Variants in SRC observed in about 807,000 individuals in gnomAD.
SRC encodes proto-oncogene tyrosine-protein kinase Src.
SRC carries 13 observed loss-of-function variants against 62.9 expected under a neutral mutation model. That is an observed-to-expected ratio of 0.21 (90% CI 0.13 to 0.33). SRC has a LOEUF of 0.33. SRC is among the 10% of genes least tolerant of loss of function. The probability of loss-of-function intolerance (pLI) is 1.00; values close to 1 mark genes in which losing one functional copy is unlikely to be tolerated. For synonymous variants in SRC, 302 were observed against 317.5 expected (o/e 0.95, Z 0.52); for missense variants, 457 against 737.3 (o/e 0.62, Z 4.40).
At position 37,386,071 on chromosome 20, in the gene SRC, GCAGGTGGAGTGA is replaced by G; in HGVS notation, c.251-2_260del. ...GTTCTGACACACCCCACCCCTCTCTGCAGGTGGAGTGACCACCTTTGTGGCCCTCTATGACTA... is the reference window on the plus strand; with the variant it reads ...GTTCTGACACACCCCACCCCTCTCTGCCACCTTTGTGGCCCTCTATGACTA... On this transcript the variant is annotated splice_acceptor_variant and splice_polypyrimidine_tract_variant and coding_sequence_variant and intron_variant, in exon 5 of 14. Transcript: ENST00000373578. LOFTEE classifies it high-confidence loss of function. The G allele has an allele frequency of 6.2e-7, 1 of 1,609,206 alleles. No homozygotes were observed. Among genetic ancestry groups the G allele is most frequent in the Non-Finnish European group, 8.5e-7 (1 of 1,175,518 alleles).
At chr20:37,348,079 C>T (rs891696080) in intron 1 of SRC, among the ~76,000 whole-genome samples, 2 of 152,198 alleles carry the variant, frequency 1.3e-5, no homozygotes, top group African/African-American at 4.8e-5. Context: ...CTCCCGCGTG[C>T]CCCTGGGCCT....
intron 4 of SRC, among the ~76,000 whole-genome samples, chr20:37,385,772 TCTG>T (rs1174971172): frequency 1.3e-5 from 2 of 152,206 alleles, no homozygotes; most frequent in Non-Finnish European, 2.9e-5. Context: ...ATTGGCGACT[TCTG>T]CTCCTAGAGC....
rs557071098 is a variant in SRC at position 37,402,978 on chromosome 20, G to A, written c.1402+98G>A. On this transcript the variant is annotated intron_variant, in intron 13 of 13. Coordinates refer to ENST00000373578, the MANE Select transcript of SRC (RefSeq NM_198291.3). This position sits in a 1 kb window ranked among gnomAD's most constrained non-coding sequence, Gnocchi z 6.2. Reference sequence around the variant, plus strand: ...TCCTGCTGGGCCTGTTTCCCCACCCGTAAAACAAAGAAGTTGAGCGTCTGA... The same window carrying A: ...TCCTGCTGGGCCTGTTTCCCCACCCATAAAACAAAGAAGTTGAGCGTCTGA... The A allele has an allele frequency of 5.4e-5, 80 of 1,476,480 alleles. No homozygotes were observed. The African/African-American group carries it at 9.7e-4, about 18-fold the overall frequency. The allele number at this position is 1,476,480 out of a possible 1,614,324, so 91.5% of individuals were successfully genotyped here.
At chr20:37,356,536 G>A (rs2069884531) in intron 1 of SRC, among the ~76,000 whole-genome samples, 1 of 151,944 alleles carries the variant, frequency 6.6e-6, no homozygotes, top group South Asian at 2.1e-4. Context: ...GCAGGGTGGG[G>A]AGCTTCTGCC....
chr20:37,371,684 T>C (rs1429479966), intron 2 of SRC, among the ~76,000 whole-genome samples: 1 of 152,162 alleles, frequency 6.6e-6, no homozygotes, highest in Non-Finnish European at 1.5e-5. Context: ...ATTTGAAATC[T>C]TTCTTATTTT....
chr20:37,375,238 T>C (rs2070258565), intron 2 of SRC, among the ~76,000 whole-genome samples: 2 of 125,392 alleles, frequency 1.6e-5, no homozygotes, highest in African/African-American at 6.0e-5. Context: ...GCCTCTTTCC[T>C]TTTTTTTTTT....
chr20:37,403,154 C>A lies in SRC; in HGVS notation c.1403-17C>A, dbSNP rs1342137827. On this transcript the variant is annotated splice_polypyrimidine_tract_variant and intron_variant, in intron 13 of 13. Coordinates refer to ENST00000373578, the MANE Select transcript of SRC (RefSeq NM_198291.3). This position sits in a 1 kb window ranked among gnomAD's most constrained non-coding sequence, Gnocchi z 7.1. ...CCTCACCGGAGCCGGGCTCCCCATG[C>A]CTCGCTCTGCCCACAGGGATGGTGA... 1.3e-6 allele frequency: 2 copies of A among 1,522,116 alleles called. No individual in the cohort carries two copies. Among genetic ancestry groups the A allele is most frequent in the Non-Finnish European group, 1.8e-6 (2 of 1,136,278 alleles). The allele number at this position is 1,522,116 out of a possible 1,614,324, so 94.3% of individuals were successfully genotyped here.
rs2070806229 is a variant in SRC, at chr20:37,405,038, C to G, written c.*1659C>G. On this transcript the variant is annotated 3_prime_UTR_variant, in exon 14 of 14. Transcript: ENST00000373578. ...CACTGCCAGGGGTTCTTGAGCCAGCCAGGCCCTGCCAGTGGGGAAGGAGGC... is the reference window on the plus strand; with the variant it reads ...CACTGCCAGGGGTTCTTGAGCCAGCGAGGCCCTGCCAGTGGGGAAGGAGGC... The G allele has an allele frequency of 1.3e-5, 3 of 233,228 alleles. No individual in the cohort carries two copies. The East Asian group carries it at 1.8e-4, about 14-fold the overall frequency. 14.4% of individuals were successfully genotyped at this position (233,228 alleles called of 1,614,324 possible).
chr20:37,389,980 T>G (rs111333555), intron 5 of SRC, among the ~76,000 whole-genome samples: 2 of 152,218 alleles, frequency 1.3e-5, no homozygotes, highest in African/African-American at 4.8e-5. Context: ...CTGTGACTGG[T>G]GACCGCAGCC....
intron 1 of SRC, among the ~76,000 whole-genome samples, chr20:37,360,889 G>A (rs2069958383): frequency 6.6e-6 from 1 of 152,212 alleles, no homozygotes; most frequent in Admixed American, 6.5e-5. Flanking sequence ...GGCAGTGGAG[G>A]CACAGAGAGG....
intron 2 of SRC, among the ~76,000 whole-genome samples, chr20:37,379,119 C>T (rs1356426814): frequency 6.6e-6 from 1 of 152,052 alleles, no homozygotes; most frequent in African/African-American, 2.4e-5. Flanking sequence ...ATAGCAGCAA[C>T]TCGGCACCTC....
Position 37,403,991 on chromosome 20 carries a change from C to T in SRC, c.*612C>T, listed in dbSNP as rs2070784388. The T allele has an allele frequency of 8.5e-6, 2 of 236,496 alleles. No individual in the cohort carries two copies. Among genetic ancestry groups the T allele is most frequent in the Admixed American group, 5.4e-5 (1 of 18,622 alleles). The allele number at this position is 236,496 out of a possible 1,614,324, so 14.6% of individuals were successfully genotyped here. A position where few individuals can be genotyped will look rare whatever the true frequency, so the allele number is the denominator to read the frequency against. On this transcript the variant is annotated 3_prime_UTR_variant, in exon 14 of 14. Transcript: ENST00000373578. This position sits in a 1 kb window ranked among gnomAD's most constrained non-coding sequence, Gnocchi z 7.1. ...TGAGTACCCCCTCAAACCCTGCCCT[C>T]CTTAGACCTGAGGGACCCTTCGAGA...
rs375256859 is a variant in SRC, at chr20:37,403,421, G to T, written c.*42G>T. 1.3e-6 allele frequency: 2 copies of T among 1,528,342 alleles called. No homozygotes were observed. Among genetic ancestry groups the T allele is most frequent in the African/African-American group, 1.4e-5 (1 of 73,058 alleles). The allele number at this position is 1,528,342 out of a possible 1,614,324, so 94.7% of individuals were successfully genotyped here. Reference sequence around the variant, plus strand: ...ACCGGCTTCTCGGCTTGGATCCTGGGCTGGGTGGCCCCTGTCTCGGGGCTT... The same window carrying T: ...ACCGGCTTCTCGGCTTGGATCCTGGTCTGGGTGGCCCCTGTCTCGGGGCTT... On this transcript the variant is annotated 3_prime_UTR_variant, in exon 14 of 14. Coordinates refer to ENST00000373578, the MANE Select transcript of SRC (RefSeq NM_198291.3). The surrounding 1 kb of genome is among the most constrained non-coding windows in gnomAD (Gnocchi z 7.1).
chr20:37,358,176 T>C (rs1270695593), intron 1 of SRC, among the ~76,000 whole-genome samples: 1 of 152,208 alleles, frequency 6.6e-6, no homozygotes, highest in Non-Finnish European at 1.5e-5. Context: ...GAGGAGCCGA[T>C]GAGACTGAGT....
chr20:37,373,176 A>T (rs985380174), intron 2 of SRC, among the ~76,000 whole-genome samples: 1 of 148,108 alleles, frequency 6.8e-6, no homozygotes, highest in African/African-American at 2.6e-5. Flanking sequence ...ATATGTACAC[A>T]CATACACATG....
intron 5 of SRC, among the ~76,000 whole-genome samples, chr20:37,389,345 C>A (rs372225731): frequency 6.6e-6 from 1 of 152,216 alleles, no homozygotes; most frequent in African/African-American, 2.4e-5. Context: ...AGTTTTCTGG[C>A]AGGCGCTTCT....
At chr20:37,374,571 C>CTTTTT (rs71187927) in intron 2 of SRC, among the ~76,000 whole-genome samples, 3 of 88,962 alleles carry the variant, frequency 3.4e-5, no homozygotes, top group Non-Finnish European at 4.6e-5. Context: ...TAATAATACT[C>CTTTTT]TTTTTTTTTT....
intron 2 of SRC, among the ~76,000 whole-genome samples, chr20:37,379,096 G>C (rs1225922517): frequency 6.6e-6 from 1 of 152,152 alleles, no homozygotes; most frequent in Non-Finnish European, 1.5e-5. Context: ...GGAACGCCGA[G>C]GGAAAAGTTC....
intron 2 of SRC, among the ~76,000 whole-genome samples, chr20:37,371,075 G>T (rs139696937): frequency 6.8e-6 from 1 of 147,282 alleles, no homozygotes; most frequent in African/African-American, 2.5e-5. Flanking sequence ...CTCAACCTCC[G>T]CCTCTTGGGT....
Sources: allele counts gnomAD v4.1 joint callset (sites outside exome capture counted in the v4.1 genomes callset), GRCh38; gene constraint gnomAD v4.1.1; non-coding constraint Gnocchi (gnomAD v3.1); transcripts MANE v1.5; gene names NCBI Gene and HGNC (gene_info 2026-07-23, HGNC 2026-07-21).